The following IL1RAPL1 variants were observed in gnomAD, a reference collection of about 807,000 sequenced individuals.
IL1RAPL1 encodes the protein interleukin-1 receptor accessory protein-like 1.
In IL1RAPL1, 3 loss-of-function variants were observed where a neutral mutation model predicts 48.4. The ratio of observed to expected loss-of-function variants is 0.06; its 90% CI spans 0.03 to 0.16. The LOEUF (loss-of-function observed/expected upper bound fraction) is 0.16. Ranked by LOEUF, IL1RAPL1 falls within the 10% of genes least tolerant of loss-of-function variation. The probability of loss-of-function intolerance (pLI) is 1.00; values close to 1 mark genes in which losing one functional copy is unlikely to be tolerated. For missense variants in IL1RAPL1, 349 were observed against 530.6 expected (o/e 0.66, Z 3.36); for synonymous variants, 185 against 187.7 (o/e 0.99, Z 0.12).
intron 2 of IL1RAPL1, among the ~76,000 whole-genome samples, chrX:29,215,643 T>C (rs1773631438): frequency 9.0e-6 from 1 of 111,532 alleles, no homozygotes; most frequent in Admixed American, 9.6e-5. Context: ...TTCTTATTAA[T>C]TGTTGAAAAT....
At chrX:29,110,455 C>T (rs73210061) in intron 2 of IL1RAPL1, among the ~76,000 whole-genome samples, 4,680 of 111,340 alleles carry the variant, frequency 0.042, 90 homozygotes, top group Middle Eastern at 0.07. Context: ...ATTGATAAGC[C>T]GGTTTTTATG....
intron 5 of IL1RAPL1, among the ~76,000 whole-genome samples, chrX:29,603,549 G>A (rs376115664): frequency 1.8e-5 from 2 of 111,239 alleles, no homozygotes; most frequent in African/African-American, 6.5e-5. Context: ...AGCTGATCTC[G>A]CAGCCCAATC....
At chrX:29,952,067 T>C (rs1363326609) in intron 9 of IL1RAPL1, among the ~76,000 whole-genome samples, 2 of 112,120 alleles carry the variant, frequency 1.8e-5, no homozygotes, top group South Asian at 3.7e-4. Flanking sequence ...CATAATGTTA[T>C]ATAAGCAAAG....
intron 5 of IL1RAPL1, among the ~76,000 whole-genome samples, chrX:29,651,270 G>A (rs1037809388): frequency 8.1e-5 from 9 of 110,669 alleles, no homozygotes; most frequent in Admixed American, 1.9e-4. Context: ...TCCACTCCTC[G>A]GTATATATCC....
intron 1 of IL1RAPL1, among the ~76,000 whole-genome samples, chrX:28,738,397 A>G (rs1372313598): frequency 8.9e-6 from 1 of 111,816 alleles, no homozygotes; most frequent in Non-Finnish European, 1.9e-5. Context: ...GACCTCATGT[A>G]TCTTATAAGA....
At chrX:28,833,562 C>T (rs377518102) in intron 2 of IL1RAPL1, among the ~76,000 whole-genome samples, 40 of 111,435 alleles carry the variant, frequency 3.6e-4, no homozygotes, top group African/African-American at 1.1e-3. Context: ...GACTTGTGTT[C>T]CTCTGGTGAT....
At chrX:28,633,958 A>C (rs1934429757) in intron 1 of IL1RAPL1, among the ~76,000 whole-genome samples, 1 of 111,704 alleles carries the variant, frequency 9.0e-6, no homozygotes, top group African/African-American at 3.3e-5. Context: ...CCAACACTTA[A>C]TTGCTTTTAC....
At chrX:28,648,785 A>C (rs1165099725) in intron 1 of IL1RAPL1, among the ~76,000 whole-genome samples, 1 of 112,021 alleles carries the variant, frequency 8.9e-6, no homozygotes, top group Non-Finnish European at 1.9e-5. Flanking sequence ...TTGGGAAGAG[A>C]TGGGTCTTTT....
At chrX:29,688,079 A>G (rs5972676) in intron 6 of IL1RAPL1, among the ~76,000 whole-genome samples, 44,217 of 111,107 alleles carry the variant, frequency 0.4, 6,400 homozygotes, top group South Asian at 0.52. Flanking sequence ...TTCTCAGAGC[A>G]TAGTAAAAAT....
intron 2 of IL1RAPL1, among the ~76,000 whole-genome samples, chrX:29,061,315 A>T (rs1353430589): frequency 8.9e-6 from 1 of 112,232 alleles, no homozygotes; most frequent in Non-Finnish European, 1.9e-5. Context: ...TGCTTATTTT[A>T]AAATGAACAG....
At chrX:29,752,521 A>ATAGACAT (rs1928513757) in intron 6 of IL1RAPL1, among the ~76,000 whole-genome samples, 1 of 104,406 alleles carries the variant, frequency 9.6e-6, no homozygotes, top group East Asian at 3.1e-4. Context: ...AAAAGACTTG[A>ATAGACAT]TAGACATTAG....
chrX:29,257,064 G>T (rs1023182279), intron 2 of IL1RAPL1, among the ~76,000 whole-genome samples: 74 of 111,473 alleles, frequency 6.6e-4, no homozygotes, highest in Non-Finnish European at 6.6e-4. Context: ...AATAAATTCA[G>T]AAGAGACAGA....
intron 1 of IL1RAPL1, among the ~76,000 whole-genome samples, chrX:28,669,691 T>A (rs7054924): frequency 0.034 from 3,502 of 104,008 alleles, 135 homozygotes; most frequent in East Asian, 0.094. Context: ...TAATATAATT[T>A]TATATATAAA....
At chrX:29,543,742 C>G (rs1168381493) in intron 5 of IL1RAPL1, among the ~76,000 whole-genome samples, 1 of 110,795 alleles carries the variant, frequency 9.0e-6, no homozygotes, top group Non-Finnish European at 1.9e-5. Context: ...GCAGCCCTTC[C>G]ACATCTTTCT....
intron 5 of IL1RAPL1, among the ~76,000 whole-genome samples, chrX:29,474,003 T>C (rs780265858): frequency 4.5e-5 from 5 of 111,876 alleles, no homozygotes; most frequent in African/African-American, 1.6e-4. Flanking sequence ...TCTAATAATA[T>C]TGCATGTACT....
At chrX:29,329,942 A>G (rs766439398) in intron 3 of IL1RAPL1, among the ~76,000 whole-genome samples, 1 of 111,766 alleles carries the variant, frequency 8.9e-6, no homozygotes, top group African/African-American at 3.2e-5. Context: ...TGAAATGTTC[A>G]GAACAAGCAA....
chrX:29,342,149 TGTGTG>T (rs1328173705), intron 3 of IL1RAPL1, among the ~76,000 whole-genome samples: 3 of 94,405 alleles, frequency 3.2e-5, no homozygotes, highest in South Asian at 4.4e-4. Context: ...TGTGTGTGTG[TGTGTG>T]TTTGTTTTGT....
intron 2 of IL1RAPL1, among the ~76,000 whole-genome samples, chrX:28,890,932 T>C (rs1293647079): frequency 8.9e-6 from 1 of 112,393 alleles, no homozygotes; most frequent in Non-Finnish European, 1.9e-5. Flanking sequence ...CTTCGTGAAA[T>C]ACAGAATCAC....
At chrX:28,872,454 G>A (rs1354991296) in intron 2 of IL1RAPL1, among the ~76,000 whole-genome samples, 2 of 112,174 alleles carry the variant, frequency 1.8e-5, no homozygotes, top group African/African-American at 6.5e-5. Context: ...ATTTGATACA[G>A]TTGGCACATA....
Sources: gnomAD v4.1 joint callset for allele counts (sites outside exome capture counted in the v4.1 genomes callset) on GRCh38, gnomAD v4.1.1 for gene constraint, MANE v1.5 for transcripts, NCBI Gene and HGNC (gene_info 2026-07-23, HGNC 2026-07-21) for gene names.